The following NF2 variants were observed in gnomAD, a reference collection of about 807,000 sequenced individuals.
NF2 encodes merlin.
NF2 carries 8 observed loss-of-function variants against 83.7 expected under a neutral mutation model. The ratio of observed to expected loss-of-function variants is 0.10; its 90% CI spans 0.06 to 0.17. The LOEUF is 0.17. Ranked by LOEUF, NF2 falls within the 10% of genes least tolerant of loss-of-function variation. The pLI, the probability that NF2 is intolerant of heterozygous loss-of-function variation, is 1.00. For missense variants in NF2, 533 were observed against 744.4 expected, an observed-to-expected ratio of 0.72 and a Z score of 3.31; for synonymous variants, 266 against 269.6, an observed-to-expected ratio of 0.99 and a Z score of 0.13.
At chr22:29,608,539 G>A (rs937881485) in intron 1 of NF2, among the ~76,000 whole-genome samples, 6 of 151,686 alleles carry the variant, frequency 4.0e-5, no homozygotes, top group African/African-American at 1.2e-4. Context: ...CATGATGGCG[G>A]GTGCCTGTAA....
chr22:29,679,629 G>A (rs2067068813), intron 14 of NF2, among the ~76,000 whole-genome samples: 1 of 152,166 alleles, frequency 6.6e-6, no homozygotes, highest in Admixed American at 6.5e-5. Flanking sequence ...CACTTTGGGA[G>A]TCCAAGGGGG....
At chr22:29,659,797 A>G (rs529872997) in intron 7 of NF2, among the ~76,000 whole-genome samples, 13 of 152,168 alleles carry the variant, frequency 8.5e-5, no homozygotes, top group Non-Finnish European at 1.8e-4. Context: ...GAAACATCTC[A>G]TTTTCCAAAA....
At chr22:29,647,063 G>GT (rs1020305612) in intron 4 of NF2, among the ~76,000 whole-genome samples, 4 of 151,878 alleles carry the variant, frequency 2.6e-5, no homozygotes, top group Non-Finnish European at 4.4e-5. Flanking sequence ...TGTAGTCAGG[G>GT]TTTTTTTGGT....
intron 15 of NF2, among the ~76,000 whole-genome samples, chr22:29,693,000 CTG>C (rs1400108325): frequency 2.0e-5 from 3 of 152,232 alleles, no homozygotes; most frequent in Non-Finnish European, 2.9e-5. Context: ...AGGCAGCTGA[CTG>C]TGCCTGTATC....
At position 29,682,946 on chromosome 22, in the gene NF2, C is replaced by T. The variant is rs574949791; in HGVS notation, c.1737+1345C>T. The T allele has an allele frequency of 1.3e-4, 196 of 1,566,392 alleles. 3 individuals are homozygous for T. In the South Asian group the frequency reaches 2.0e-3, roughly 16 times the overall value. ...ATTTCAGGCCTATCCAAGCATTTTG[C>T]AGATGGCACTTATGGCATTGTTGAT... On this transcript the variant is annotated intron_variant, in intron 15 of 15. Transcript: ENST00000338641.
At chr22:29,656,783 A>C (rs970777298) in intron 6 of NF2, among the ~76,000 whole-genome samples, 6 of 152,026 alleles carry the variant, frequency 3.9e-5, no homozygotes, top group Admixed American at 1.3e-4. Flanking sequence ...GGTACCACCA[A>C]ATTGTTCTCC....
intron 14 of NF2, 113 bp downstream of exon 14, chr22:29,678,436 C>T (rs1050955812): frequency 7.7e-7 from 1 of 1,300,560 alleles, no homozygotes; most frequent in Non-Finnish European, 1.1e-6. Flanking sequence ...GTCATTACTC[C>T]TGCAAAGGTT....
At chr22:29,604,518 G>GA (rs958649914) in intron 1 of NF2, among the ~76,000 whole-genome samples, 12 of 151,800 alleles carry the variant, frequency 7.9e-5, no homozygotes, top group East Asian at 7.7e-4. Context: ...CATATTCTGG[G>GA]AAAAAAAACC....
rs184965539 is a variant in NF2, at chr22:29,680,419, G to T, written c.1575-1020G>T. 2.0e-5 allele frequency among the ~76,000 whole-genome samples: 3 copies of T among 152,310 alleles called. No individual in the cohort carries two copies. In the South Asian group the frequency reaches 6.2e-4, roughly 32 times the overall value. ...GCCACCACACCCAGCCGGTGATTAG[G>T]TTTCCACATATGAATTTTGAAGACA... On this transcript the variant is annotated intron_variant, in intron 14 of 15. Coordinates refer to ENST00000338641, the MANE Select transcript of NF2 (RefSeq NM_000268.4).
At chr22:29,688,607 T>C (rs2067324387) in intron 15 of NF2, among the ~76,000 whole-genome samples, 1 of 152,230 alleles carries the variant, frequency 6.6e-6, no homozygotes, top group Non-Finnish European at 1.5e-5. Context: ...CGCCGGCCAG[T>C]GCCACAGGGC....
At position 29,652,174 on chromosome 22, in the gene NF2, A is replaced by AC. The variant is rs537763791; in HGVS notation, c.448-2476dup. 6.7e-4 allele frequency among the ~76,000 whole-genome samples: 102 copies of AC among 151,724 alleles called. 3 individuals carry two copies. In the South Asian group the frequency reaches 0.019, roughly 29 times the overall value. On this transcript the variant is annotated intron_variant, in intron 4 of 15. Coordinates refer to ENST00000338641, the MANE Select transcript of NF2 (RefSeq NM_000268.4). ...AAGGCCTCAGAAGGGGTACTTCAGC[A>AC]CCCCCCCACTTCCCTTCAGGATCCT...
chr22:29,643,712 C>T (rs1357599580), intron 4 of NF2, among the ~76,000 whole-genome samples: 1 of 152,330 alleles, frequency 6.6e-6, no homozygotes, highest in East Asian at 1.9e-4. Context: ...ACACGGCAAC[C>T]ATCCGATTTC....
chr22:29,635,036 C>T (rs1026821424), intron 1 of NF2, among the ~76,000 whole-genome samples: 2 of 152,130 alleles, frequency 1.3e-5, no homozygotes, highest in African/African-American at 4.8e-5. Context: ...GGAGAAACGG[C>T]CCTGCTAAAA....
chr22:29,647,131 T>C (rs1158856096), intron 4 of NF2, among the ~76,000 whole-genome samples: 1 of 152,162 alleles, frequency 6.6e-6, no homozygotes, highest in Non-Finnish European at 1.5e-5. Flanking sequence ...TTGGATTGTA[T>C]ATTGACCATT....
Position 29,603,635 on chromosome 22 carries a change from G to A in NF2, c.-364G>A. On this transcript the variant is annotated 5_prime_UTR_variant, in exon 1 of 16. Coordinates refer to ENST00000338641, the MANE Select transcript of NF2 (RefSeq NM_000268.4). Reference sequence around the variant, plus strand: ...CGCGCCCGATGCAGCGCGGCCCCGTGACCCTAGTCGGCCGCTGAGAGGCGC... The same window carrying A: ...CGCGCCCGATGCAGCGCGGCCCCGTAACCCTAGTCGGCCGCTGAGAGGCGC... 2.5e-6 allele frequency: 1 copy of A among 406,164 alleles called. No individual in the cohort carries two copies. The highest frequency in any genetic ancestry group is 4.3e-6 in the Non-Finnish European group (1 of 230,990). The allele number at this position is 406,164 out of a possible 1,614,324, so 25.2% of individuals were successfully genotyped here. A position where few individuals can be genotyped will look rare whatever the true frequency, so the allele number is the denominator to read the frequency against.
chr22:29,673,545 C>T, intron 12 of NF2, 59 bp downstream of exon 12: 1 of 1,545,856 alleles, frequency 6.5e-7, no homozygotes, highest in Admixed American at 1.9e-5. Context: ...GCAGACCAGC[C>T]TGCCCTGAGG....
At chr22:29,642,008 T>C (rs2065823764) in intron 3 of NF2, among the ~76,000 whole-genome samples, 194 bp from the exon 4 acceptor site, 1 of 152,202 alleles carries the variant, frequency 6.6e-6, no homozygotes, top group South Asian at 2.1e-4. Context: ...ATAGCCGTCA[T>C]ACCAGTAACT....
At chr22:29,659,407 A>G (rs2066410958) in intron 7 of NF2, among the ~76,000 whole-genome samples, 1 of 152,182 alleles carries the variant, frequency 6.6e-6, no homozygotes, top group South Asian at 2.1e-4. Flanking sequence ...TGCTAGGCTC[A>G]AGTGATCCTT....
rs1176600062 is a variant in NF2 at position 29,643,505 on chromosome 22, C to A, written c.447+1220C>A. On this transcript the variant is annotated intron_variant, in intron 4 of 15. Transcript: ENST00000338641. ...GTGGTGATGACTCTTAATGAGCATGCTGCCTTCAAGCATCTGTTTAACAAA... is the reference window on the plus strand; with the variant it reads ...GTGGTGATGACTCTTAATGAGCATGATGCCTTCAAGCATCTGTTTAACAAA... Among the ~76,000 whole-genome samples, 4 of 152,248 alleles carry A rather than the reference C, an allele frequency of 2.6e-5. No homozygotes were observed. The East Asian group carries it at 7.7e-4, about 29-fold the overall frequency.
Sources: allele counts gnomAD v4.1 joint callset (sites outside exome capture counted in the v4.1 genomes callset), GRCh38; gene constraint gnomAD v4.1.1; transcripts MANE v1.5; gene names NCBI Gene and HGNC (gene_info 2026-07-23, HGNC 2026-07-21).